The following CCN6 variants were observed in gnomAD, a reference collection of about 807,000 sequenced individuals.
CCN6 encodes the protein CCN family member 6.
A neutral mutation model predicts 37.4 loss-of-function variants in CCN6; 31 were observed. That is an observed-to-expected ratio of 0.83 (90% CI 0.62 to 1.12). The LOEUF is 1.12. CCN6 is among the 50% of genes most tolerant of loss of function. The pLI, the probability that CCN6 is intolerant of heterozygous loss-of-function variation, is 0.00. For missense variants in CCN6, 369 were observed against 413.8 expected (o/e 0.89, Z 0.94); for synonymous variants, 137 against 142.1 (o/e 0.96, Z 0.26).
At chr6:112,060,182 G>T in intron 1 of CCN6, 2 of 1,297,574 alleles carry the variant, frequency 1.5e-6, no homozygotes, top group Non-Finnish European at 2.0e-6. Context: ...GGAAATGGGA[G>T]GCCATGAGGA....
chr6:112,055,407 A>G (rs1254625769), intron 1 of CCN6, among the ~76,000 whole-genome samples: 5 of 152,168 alleles, frequency 3.3e-5, no homozygotes, highest in Non-Finnish European at 5.9e-5. Context: ...CAACACAGAG[A>G]GATGTGTACA....
At chr6:112,054,662 C>T (rs1322702041) in intron 1 of CCN6, 2 of 474,974 alleles carry the variant, frequency 4.2e-6, no homozygotes, top group East Asian at 4.2e-5. Context: ...GTTTGAACAG[C>T]GCCACGCTTT....
Position 112,068,176 on chromosome 6 carries a change from A to G in CCN6, c.590-29A>G, listed in dbSNP as rs782634144. ...TTTATACAAGTACATTTATATGTAT[A>G]CATATGTACTTTTCTCCCTTTGTTT... On this transcript the variant is annotated intron_variant, in intron 3 of 4. Transcript: ENST00000368666. 5 of 1,530,594 alleles carry G rather than the reference A, an allele frequency of 3.3e-6. No individual in the cohort carries two copies. The Admixed American group carries it at 9.1e-5, about 28-fold the overall frequency. 94.8% of individuals were successfully genotyped at this position (1,530,594 alleles called of 1,614,324 possible).
intron 4 of CCN6, 109 bp downstream of exon 4, chr6:112,068,507 GCATCT>G: frequency 9.7e-7 from 1 of 1,028,954 alleles, no homozygotes; most frequent in Non-Finnish European, 1.4e-6. Flanking sequence ...AAAAATAAAA[GCATCT>G]CATTATAATG....
intron 1 of CCN6, among the ~76,000 whole-genome samples, chr6:112,059,502 A>G (rs1776446104): frequency 6.6e-6 from 1 of 152,086 alleles, no homozygotes; most frequent in East Asian, 1.9e-4. Context: ...TTCTGCCATC[A>G]CATCTTCTCT....
In CCN6 at chr6:112,068,397, A is replaced by G. The variant is rs150093047; in HGVS notation, c.782A>G (p.Lys261Arg). 38 of 1,606,762 alleles carry G rather than the reference A, an allele frequency of 2.4e-5. No homozygotes were observed. Among genetic ancestry groups the G allele is most frequent in the Non-Finnish European group, 3.1e-5 (36 of 1,175,822 alleles). The change falls in exon 4 of 5, where the codon AAG becomes AGG. Residue 261 changes from lysine to arginine, a missense_variant and splice_region_variant. Physicochemically the swap from Lys to Arg is conservative, Grantham distance 26 (BLOSUM62 2). Coordinates refer to ENST00000368666, the MANE Select transcript of CCN6 (RefSeq NM_198239.2). ...GACAGCAATATATTAAAGACAATAA[A>G]GGTAAAGTTTAAATATATTTAACTT... Reference protein sequence around the residue: ...PCDSNILKTIKIPKGKTCQPT... With the variant: ...PCDSNILKTIRIPKGKTCQPT...
intron 1 of CCN6, among the ~76,000 whole-genome samples, chr6:112,055,200 C>A (rs191696762): frequency 7.8e-4 from 118 of 152,232 alleles, no homozygotes; most frequent in Middle Eastern, 3.4e-3. Context: ...CAAGGAATTG[C>A]AAATTGTTAT....
intron 1 of CCN6, among the ~76,000 whole-genome samples, chr6:112,060,341 G>A (rs186375342): frequency 1.3e-4 from 20 of 152,242 alleles, no homozygotes; most frequent in African/African-American, 4.8e-4. Flanking sequence ...GGATTATGAT[G>A]GTAACAGAGA....
In CCN6 at chr6:112,054,122, G is replaced by A. The variant is rs587623309; in HGVS notation, c.-236G>A. The stretch of plus-strand genomic sequence containing the variant: ...CTCGCCCATTCCTGACCTGTGACAC[G>A]CTCACTGCGAAGGCAGGTTATTAGA... On this transcript the variant is annotated 5_prime_UTR_variant, in exon 1 of 5. Transcript: ENST00000368666. 5.7e-5 allele frequency: 39 copies of A among 687,912 alleles called. No homozygotes were observed. Among genetic ancestry groups the A allele is most frequent in the South Asian group, 3.7e-4 (23 of 62,112 alleles). The allele number at this position is 687,912 out of a possible 1,614,324, so 42.6% of individuals were successfully genotyped here. A position where few individuals can be genotyped will look rare whatever the true frequency, so the allele number is the denominator to read the frequency against.
intron 1 of CCN6, among the ~76,000 whole-genome samples, chr6:112,058,607 C>T (rs1033974228): frequency 6.6e-6 from 1 of 152,170 alleles, no homozygotes; most frequent in Non-Finnish European, 1.5e-5. Context: ...AAAGATGATA[C>T]TGAAACAGAA....
chr6:112,060,548 T>G (rs1222646811), intron 1 of CCN6, among the ~76,000 whole-genome samples: 1 of 152,090 alleles, frequency 6.6e-6, no homozygotes, highest in Non-Finnish European at 1.5e-5. Context: ...GGGAGCTTGT[T>G]TTTGGTCATA....
At position 112,057,902 on chromosome 6, in the gene CCN6, G is replaced by A. The variant is rs587706425; in HGVS notation, c.49-3089G>A. ...AAGGGGAGGACTGGGGGGACCAGAT[G>A]TAATGAAATCCAAGGTAGAGGAGAG... On this transcript the variant is annotated intron_variant, in intron 1 of 4. Transcript: ENST00000368666. Among the ~76,000 whole-genome samples the A allele has an allele frequency of 1.6e-3, 241 of 152,270 alleles. 1 individual carries two copies. Among genetic ancestry groups the A allele is most frequent in the Admixed American group, 2.7e-3 (42 of 15,294 alleles).
intron 1 of CCN6, among the ~76,000 whole-genome samples, chr6:112,056,696 T>C (rs181558184): frequency 1.3e-5 from 2 of 152,272 alleles, no homozygotes; most frequent in Admixed American, 1.3e-4. Context: ...TTTGTATTTT[T>C]AGTAGAGATG....
At position 112,064,793 on chromosome 6, in the gene CCN6, T is replaced by C. The variant is rs782401965; in HGVS notation, c.385T>C (p.Tyr129His). 6.2e-7 allele frequency: 1 copy of C among 1,614,070 alleles called. No individual in the cohort carries two copies. The highest frequency in any genetic ancestry group is 1.1e-5 in the South Asian group (1 of 91,088). ...TGGGTGCGAGTTCAACCAGGTACATTATCATAATGGCCAAGTGTTTCAGCC... is the reference window on the plus strand; with the variant it reads ...TGGGTGCGAGTTCAACCAGGTACATCATCATAATGGCCAAGTGTTTCAGCC... ...AVGCEFNQVHYHNGQVFQPNP... is the reference protein window; with the variant it reads ...AVGCEFNQVHHHNGQVFQPNP... The change falls in exon 3 of 5, where the codon TAT (tyrosine) becomes CAT (histidine). Residue 129 changes from tyrosine to histidine, a missense_variant. Physicochemically the swap from Tyr to His is moderately conservative, Grantham distance 83 (BLOSUM62 2). Coordinates refer to ENST00000368666, the MANE Select transcript of CCN6 (RefSeq NM_198239.2).
At chr6:112,062,058 C>T (rs1776540909) in intron 2 of CCN6, among the ~76,000 whole-genome samples, 1 of 152,156 alleles carries the variant, frequency 6.6e-6, no homozygotes, top group African/African-American at 2.4e-5. Flanking sequence ...GTGTAGAGCA[C>T]TCAAGCTTGA....
intron 2 of CCN6, among the ~76,000 whole-genome samples, chr6:112,063,466 A>C (rs1301394569): frequency 6.6e-6 from 1 of 152,166 alleles, no homozygotes; most frequent in Non-Finnish European, 1.5e-5. Context: ...CATTTGGAAA[A>C]TATGTTTACT....
At chr6:112,064,663 A>G in intron 2 of CCN6, 92 bp from the exon 3 acceptor site, 1 of 1,580,278 alleles carries the variant, frequency 6.3e-7, no homozygotes, top group South Asian at 1.1e-5. Flanking sequence ...TTCATACAGG[A>G]GATGATCCGT....
At chr6:112,063,706 C>T (rs1352518535) in intron 2 of CCN6, among the ~76,000 whole-genome samples, 1 of 152,112 alleles carries the variant, frequency 6.6e-6, no homozygotes, top group Non-Finnish European at 1.5e-5. Context: ...TCAGTTTGCT[C>T]ATCTTCAAAA....
chr6:112,067,520 T>C (rs1776733908), intron 3 of CCN6, among the ~76,000 whole-genome samples: 1 of 152,144 alleles, frequency 6.6e-6, no homozygotes, highest in South Asian at 2.1e-4. Context: ...GATCCATCCA[T>C]TCTGTTTTTT....
Sources: allele counts gnomAD v4.1 joint callset (sites outside exome capture counted in the v4.1 genomes callset), GRCh38; gene constraint gnomAD v4.1.1; transcripts MANE v1.5; gene names NCBI Gene and HGNC (gene_info 2026-07-23, HGNC 2026-07-21).